MGAT4C: variants seen among roughly 807,000 people sequenced by gnomAD.
MGAT4C encodes MGAT4 family member C, also known as alpha-1,3-mannosyl-glycoprotein 4-beta-N-acetylglucosaminyltransferase C.
MGAT4C carries 19 observed loss-of-function variants against 40.1 expected under a neutral mutation model. That is an observed-to-expected ratio of 0.47 (90% CI 0.33 to 0.70). MGAT4C has a LOEUF of 0.70. Among genes scored for constraint, MGAT4C ranks in the 30% least tolerant of loss-of-function variants. The pLI is 0.02. For missense variants in MGAT4C, 491 were observed against 563.2 expected (o/e 0.87, Z 1.30); for synonymous variants, 181 against 187.1 (o/e 0.97, Z 0.27).
intron 3 of MGAT4C, among the ~76,000 whole-genome samples, chr12:86,389,108 A>T (rs1165111195): frequency 2.0e-5 from 3 of 152,160 alleles, no homozygotes; most frequent in African/African-American, 7.2e-5. Context: ...TAAACTTGTC[A>T]CAGGGGTTTG....
At chr12:86,737,241 A>C (rs1951000343) in intron 1 of MGAT4C, among the ~76,000 whole-genome samples, 1 of 151,136 alleles carries the variant, frequency 6.6e-6, no homozygotes, top group Admixed American at 6.6e-5. Context: ...TGTTAAAATT[A>C]GTTTCTACAG....
chr12:86,590,478 C>G (rs1010493699), intron 2 of MGAT4C, among the ~76,000 whole-genome samples: 1 of 151,950 alleles, frequency 6.6e-6, no homozygotes, highest in African/African-American at 2.4e-5. Context: ...AAAAGGCAAA[C>G]AACTTATTGA....
At chr12:86,031,315 G>A (rs1349325461) in intron 2 of MGAT4C, among the ~76,000 whole-genome samples, 1 of 151,640 alleles carries the variant, frequency 6.6e-6, no homozygotes, top group Non-Finnish European at 1.5e-5. Flanking sequence ...GGCCAAAATG[G>A]TCTGCATAGA....
chr12:86,274,858 A>C (rs965603098), intron 4 of MGAT4C, among the ~76,000 whole-genome samples: 3 of 152,208 alleles, frequency 2.0e-5, no homozygotes, highest in Non-Finnish European at 4.4e-5. Flanking sequence ...AGTTAACACC[A>C]TTCTGTGAAA....
chr12:86,708,023 A>G (rs1950493252), intron 2 of MGAT4C, among the ~76,000 whole-genome samples: 1 of 152,228 alleles, frequency 6.6e-6, no homozygotes, highest in Non-Finnish European at 1.5e-5. Context: ...AGTAACAAGG[A>G]GCTGAATGCT....
At chr12:86,251,059 G>C (rs1952251861) in intron 1 of MGAT4C, among the ~76,000 whole-genome samples, 1 of 150,628 alleles carries the variant, frequency 6.6e-6, no homozygotes, top group African/African-American at 2.4e-5. Flanking sequence ...GCAAGGCACT[G>C]TTCTCCATGC....
chr12:86,046,538 G>A (rs1040285258), intron 2 of MGAT4C, among the ~76,000 whole-genome samples: 4 of 152,252 alleles, frequency 2.6e-5, no homozygotes, highest in African/African-American at 4.8e-5. Context: ...AGCTGTGTAA[G>A]ATGAGTCAAG....
intron 3 of MGAT4C, among the ~76,000 whole-genome samples, chr12:86,383,428 T>C (rs1955986658): frequency 6.6e-6 from 1 of 151,918 alleles, no homozygotes. Context: ...GGCATGCACC[T>C]GTAGTCCTAG....
rs1555227887 is a variant in MGAT4C, at chr12:86,774,419, C to CTT, written c.-261-47179_-261-47178insAA. On this transcript the variant is annotated intron_variant, in intron 1 of 7. Coordinates refer to the MGAT4C transcript ENST00000548651. ...CTCCTCTCTCTCTCTCTCTCTCTCT[C>CTT]TCTTTCTTTCTTTCTTTTCTGTTAG... Among the ~76,000 whole-genome samples, 94 of 102,888 alleles carry CTT rather than the reference C, an allele frequency of 9.1e-4. 1 individual carries two copies. Among genetic ancestry groups the CTT allele is most frequent in the African/African-American group, 2.6e-3 (87 of 33,308 alleles). 67.5% of individuals were successfully genotyped at this position (102,888 alleles called of 152,430 possible).
intron 3 of MGAT4C, among the ~76,000 whole-genome samples, chr12:86,408,151 A>C (rs751884030): frequency 2.0e-5 from 3 of 151,926 alleles, no homozygotes; most frequent in Non-Finnish European, 4.4e-5. Flanking sequence ...GTTTTAAAAA[A>C]TAGTGTCTTC....
At chr12:86,574,042 A>G (rs1433383636) in intron 2 of MGAT4C, among the ~76,000 whole-genome samples, 3 of 151,716 alleles carry the variant, frequency 2.0e-5, no homozygotes, top group African/African-American at 7.3e-5. Flanking sequence ...TATGCTTTAG[A>G]GATACTTTTT....
intron 1 of MGAT4C, among the ~76,000 whole-genome samples, chr12:86,815,526 C>CAA (rs71309505): frequency 9.8e-4 from 140 of 143,150 alleles, no homozygotes; most frequent in Non-Finnish European, 1.6e-3. Flanking sequence ...AGTCATTATT[C>CAA]AAAAAAAAAA....
At chr12:86,145,340 T>C (rs1338558531) in intron 1 of MGAT4C, among the ~76,000 whole-genome samples, 1 of 152,162 alleles carries the variant, frequency 6.6e-6, no homozygotes, top group Non-Finnish European at 1.5e-5. Context: ...AGTACTTAAT[T>C]TGTTGATAGC....
At chr12:86,492,964 ACC>A (rs1316335917) in intron 2 of MGAT4C, among the ~76,000 whole-genome samples, 5 of 151,762 alleles carry the variant, frequency 3.3e-5, no homozygotes, top group African/African-American at 4.9e-5. Flanking sequence ...AAAACAAACA[ACC>A]CCATCAAAAA....
At chr12:86,345,039 G>GTTCCT (rs10636184) in intron 3 of MGAT4C, among the ~76,000 whole-genome samples, 97,047 of 151,126 alleles carry the variant, frequency 0.64, 32,125 homozygotes, top group South Asian at 0.77. Flanking sequence ...GTTTTAATGT[G>GTTCCT]TTCCTTTTTT....
At chr12:86,080,785 A>G (rs1245011284) in intron 1 of MGAT4C, among the ~76,000 whole-genome samples, 1 of 152,232 alleles carries the variant, frequency 6.6e-6, no homozygotes, top group Non-Finnish European at 1.5e-5. Context: ...ATTCAAATCA[A>G]TATGTTACCC....
intron 1 of MGAT4C, among the ~76,000 whole-genome samples, chr12:86,744,878 A>G (rs1000010410): frequency 2.6e-5 from 4 of 151,606 alleles, no homozygotes; most frequent in Admixed American, 6.6e-5. Context: ...TCCAAACCCG[A>G]CAATTAAAAA....
intron 2 of MGAT4C, among the ~76,000 whole-genome samples, chr12:86,494,974 C>T (rs189292424): frequency 5.9e-5 from 9 of 152,046 alleles, no homozygotes; most frequent in Admixed American, 4.6e-4. Context: ...TCTAATAAAA[C>T]CGAAAATAAA....
intron 1 of MGAT4C, among the ~76,000 whole-genome samples, chr12:86,061,755 C>T (rs1196860701): frequency 1.3e-5 from 2 of 152,104 alleles, no homozygotes; most frequent in Non-Finnish European, 2.9e-5. Context: ...ACAAAGTCAT[C>T]AGGAAGTTTG....
Sources: gnomAD v4.1 joint callset for allele counts (sites outside exome capture counted in the v4.1 genomes callset) on GRCh38, gnomAD v4.1.1 for gene constraint, MANE v1.5 for transcripts, NCBI Gene and HGNC (gene_info 2026-07-23, HGNC 2026-07-21) for gene names.